DENND6A: variants seen among roughly 807,000 people sequenced by gnomAD.
The protein encoded by DENND6A is protein DENND6A.
A neutral mutation model predicts 95.5 loss-of-function variants in DENND6A; 43 were observed. The ratio of observed to expected loss-of-function variants is 0.45; its 90% confidence interval spans 0.35 to 0.58. The LOEUF (loss-of-function observed/expected upper bound fraction) is 0.58, where lower values mean the gene tolerates loss of function less well. DENND6A is among the 20% of genes least tolerant of loss of function. DENND6A has a pLI of 0.00. For synonymous variants in DENND6A, 257 were observed against 260.4 expected, an observed-to-expected ratio of 0.99 and a Z score of 0.13; for missense variants, 574 against 736.0, an observed-to-expected ratio of 0.78 and a Z score of 2.55.
At chr3:57,680,064 AC>A (rs528157951) in intron 1 of DENND6A, among the ~76,000 whole-genome samples, 255 of 152,340 alleles carry the variant, frequency 1.7e-3, no homozygotes, top group African/African-American at 6.0e-3. Flanking sequence ...GGAGTAAGTT[AC>A]TTTTATAACT....
intron 1 of DENND6A, among the ~76,000 whole-genome samples, chr3:57,688,201 G>T (rs2077228692): frequency 6.6e-6 from 1 of 151,808 alleles, no homozygotes. Context: ...TTACCATGTT[G>T]GCTACGGCGG....
At chr3:57,655,189 C>G (rs1422166630) in intron 9 of DENND6A, among the ~76,000 whole-genome samples, 1 of 152,168 alleles carries the variant, frequency 6.6e-6, no homozygotes. Flanking sequence ...GGCCCGCCAC[C>G]ATGCCCAGCT....
At chr3:57,674,233 C>T (rs1444770320) in intron 1 of DENND6A, among the ~76,000 whole-genome samples, 3 of 151,886 alleles carry the variant, frequency 2.0e-5, no homozygotes, top group South Asian at 2.1e-4. Flanking sequence ...ATTAGCTGGG[C>T]GTGGTGGCGT....
At chr3:57,687,684 G>A (rs1417226001) in intron 1 of DENND6A, among the ~76,000 whole-genome samples, 1 of 152,088 alleles carries the variant, frequency 6.6e-6, no homozygotes, top group Admixed American at 6.6e-5. Context: ...TGTAATCCTA[G>A]CACTTTAGGA....
At chr3:57,673,066 T>G (rs1159383764) in intron 1 of DENND6A, among the ~76,000 whole-genome samples, 2 of 150,878 alleles carry the variant, frequency 1.3e-5, no homozygotes, top group Admixed American at 6.6e-5. Flanking sequence ...ATACAAAAAT[T>G]AGCTGGGTGT....
chr3:57,632,437 C>T (rs1211950581), intron 15 of DENND6A, among the ~76,000 whole-genome samples: 3 of 151,944 alleles, frequency 2.0e-5, no homozygotes, highest in Non-Finnish European at 4.4e-5. Flanking sequence ...CTCTTACCTT[C>T]GCCTCCCAAA....
chr3:57,675,199 G>C (rs2071689630), intron 1 of DENND6A, among the ~76,000 whole-genome samples: 1 of 152,156 alleles, frequency 6.6e-6, no homozygotes, highest in East Asian at 1.9e-4. Flanking sequence ...AATGAAACAA[G>C]GGGGAAAGCT....
intron 1 of DENND6A, among the ~76,000 whole-genome samples, chr3:57,675,403 T>C (rs1462507088): frequency 2.0e-5 from 3 of 152,172 alleles, no homozygotes; most frequent in Admixed American, 1.3e-4. Flanking sequence ...CTTCAGTAAA[T>C]AATATTTTTC....
intron 3 of DENND6A, among the ~76,000 whole-genome samples, chr3:57,669,852 T>C (rs945842866): frequency 6.6e-6 from 1 of 151,150 alleles, no homozygotes; most frequent in African/African-American, 2.4e-5. Flanking sequence ...TGAAACCCCA[T>C]CTCTACTAAA....
intron 3 of DENND6A, among the ~76,000 whole-genome samples, chr3:57,667,132 G>C (rs974773961): frequency 6.6e-6 from 1 of 152,142 alleles, no homozygotes; most frequent in African/African-American, 2.4e-5. Flanking sequence ...GGGTTCAAGA[G>C]ATTATCCTGC....
intron 8 of DENND6A, among the ~76,000 whole-genome samples, chr3:57,658,500 C>A (rs1036352202): frequency 6.6e-6 from 1 of 152,130 alleles, no homozygotes; most frequent in Non-Finnish European, 1.5e-5. Context: ...CGTACTCCAG[C>A]CTGGGAGACA....
chr3:57,658,478 C>T (rs184864886), intron 8 of DENND6A, among the ~76,000 whole-genome samples: 3 of 152,222 alleles, frequency 2.0e-5, no homozygotes, highest in East Asian at 1.9e-4. Flanking sequence ...GCATGAACTA[C>T]GATTGTGCCA....
chr3:57,633,181 G>A (rs1345021053), intron 15 of DENND6A, 84 bp downstream of exon 15: 1 of 1,158,608 alleles, frequency 8.6e-7, no homozygotes, highest in Non-Finnish European at 1.3e-6. Context: ...CACAACTTAA[G>A]ATATGGTTTT....
chr3:57,639,681 G>A (rs918799194), intron 12 of DENND6A, among the ~76,000 whole-genome samples: 3 of 152,136 alleles, frequency 2.0e-5, no homozygotes, highest in Admixed American at 1.3e-4. Flanking sequence ...CAGGCACTGT[G>A]TTTAATCCTC....
chr3:57,663,197 T>C (rs1482454803), intron 5 of DENND6A, among the ~76,000 whole-genome samples: 3 of 140,946 alleles, frequency 2.1e-5, no homozygotes, highest in African/African-American at 8.0e-5. Context: ...CCAGGTGCAG[T>C]AGCTCACACC....
intron 8 of DENND6A, 71 bp from the exon 9 acceptor site, chr3:57,657,806 C>T: frequency 1.1e-6 from 1 of 949,260 alleles, no homozygotes; most frequent in South Asian, 1.5e-5. Flanking sequence ...ATATATCTAT[C>T]TCATGATCAA....
intron 1 of DENND6A, among the ~76,000 whole-genome samples, chr3:57,683,289 T>TA (rs2077182841): frequency 6.6e-6 from 1 of 152,196 alleles, no homozygotes; most frequent in Non-Finnish European, 1.5e-5. Flanking sequence ...AAAAACTCAA[T>TA]AAATAATTAC....
Position 57,659,139 on chromosome 3 carries a change from T to C in DENND6A, c.741A>G (p.Gln247=), listed in dbSNP as rs761993355. Residue 247 remains glutamine (Q), a synonymous_variant, in exon 8 of 20, where the codon CAA becomes CAG. Transcript: ENST00000311128. ...PTCHDKPGTT[Q]IVQLTQQVDT... is the part of the protein sequence containing the mutation. ...CTACCTGCTGAGTTAACTGCACTAT[T>C]TGAGTTGTCCCAGGCTTGTCATGAC... The C allele has an allele frequency of 6.2e-7, 1 of 1,614,106 alleles. No homozygotes were observed. The highest frequency in any genetic ancestry group is 1.3e-5 in the African/African-American group (1 of 75,042).
chr3:57,631,748 A>T (rs1334562428), intron 15 of DENND6A, among the ~76,000 whole-genome samples: 1 of 95,356 alleles, frequency 1.0e-5, no homozygotes, highest in African/African-American at 4.2e-5. Flanking sequence ...TTTGAGACGG[A>T]GTCTCACTCT....
Sources: allele counts gnomAD v4.1 joint callset (sites outside exome capture counted in the v4.1 genomes callset), GRCh38; gene constraint gnomAD v4.1.1; transcripts MANE v1.5; gene names NCBI Gene and HGNC (gene_info 2026-07-23, HGNC 2026-07-21).